Variants in KDM3B observed in about 807,000 individuals in gnomAD.
The protein encoded by KDM3B is lysine demethylase 3B, also known as lysine-specific demethylase 3B.
In KDM3B, 10 loss-of-function variants were observed where a neutral mutation model predicts 170.0. The observed-to-expected ratio is 0.06, with a 90% confidence interval of 0.04 to 0.10. KDM3B has a LOEUF of 0.10. Among genes scored for constraint, KDM3B ranks in the 10% least tolerant of loss-of-function variants. The pLI is 1.00. For synonymous variants in KDM3B, 831 were observed against 834.8 expected (o/e 1.00, Z 0.08); for missense variants, 1,394 against 2,195.2 (o/e 0.64, Z 7.29).
chr5:138,421,057 T>G, intron 15 of KDM3B, 95 bp downstream of exon 15: 1 of 1,403,072 alleles, frequency 7.1e-7, no homozygotes, highest in Non-Finnish European at 9.9e-7. Flanking sequence ...GGGTGATTTG[T>G]GTTCTCTACA....
At chr5:138,431,397 T>C in intron 22 of KDM3B, 28 bp from the exon 23 acceptor site, 6 of 1,544,072 alleles carry the variant, frequency 3.9e-6, no homozygotes, top group Non-Finnish European at 5.3e-6. Context: ...ATGTCTGATA[T>C]TTCTCCTCTG....
chr5:138,389,782 C>CTGTGTGTG (rs148405512), intron 7 of KDM3B, among the ~76,000 whole-genome samples: 1,582 of 143,522 alleles, frequency 0.011, 16 homozygotes, highest in East Asian at 0.056. Flanking sequence ...CTCTCTCTCT[C>CTGTGTGTG]TGTGTGTGTG....
rs1485337623 is a variant in KDM3B, at chr5:138,430,094, G to GA, written c.4893+133dup. On this transcript the variant is annotated intron_variant, in intron 21 of 23. Transcript: ENST00000314358. ...CTTGTTGGCCATGATACCTCTGGTG[G>GA]AAAAGCCCAAAGGCTTGAATCCACA... The GA allele has an allele frequency of 1.9e-5, 26 of 1,400,284 alleles. No homozygotes were observed. In the African/African-American group the frequency reaches 3.6e-4, roughly 19 times the overall value. 86.7% of individuals were successfully genotyped at this position (1,400,284 alleles called of 1,614,324 possible).
intron 11 of KDM3B, among the ~76,000 whole-genome samples, chr5:138,404,418 G>T (rs1329838172): frequency 6.6e-6 from 1 of 152,148 alleles, no homozygotes. Flanking sequence ...ACCTGAGGTC[G>T]GGAGTTCGAG....
At chr5:138,406,064 T>G (rs186262275) in intron 11 of KDM3B, among the ~76,000 whole-genome samples, 1 of 152,200 alleles carries the variant, frequency 6.6e-6, no homozygotes, top group African/African-American at 2.4e-5. Context: ...GAAATGGGAC[T>G]GGCTAGGTTT....
chr5:138,433,784 G>A (rs1763600163), intron 23 of KDM3B, among the ~76,000 whole-genome samples: 1 of 151,560 alleles, frequency 6.6e-6, no homozygotes, highest in African/African-American at 2.4e-5. Context: ...CGTTGCCCAC[G>A]CTGGAGGGCA....
chr5:138,364,214 C>A (rs1486985961), intron 1 of KDM3B, among the ~76,000 whole-genome samples: 1 of 152,222 alleles, frequency 6.6e-6, no homozygotes, highest in African/African-American at 2.4e-5. Context: ...CCAGCGCACC[C>A]AGCCTGTTAT....
intron 1 of KDM3B, among the ~76,000 whole-genome samples, chr5:138,367,688 A>T (rs1411448397): frequency 6.6e-6 from 1 of 152,178 alleles, no homozygotes; most frequent in African/African-American, 2.4e-5. Context: ...AAAATTTCTT[A>T]GCTGATCATG....
chr5:138,377,914 AC>A, intron 4 of KDM3B, 89 bp downstream of exon 4: 1 of 775,516 alleles, frequency 1.3e-6, no homozygotes, highest in Non-Finnish European at 2.0e-6. Flanking sequence ...GCAACCTTAA[AC>A]ATTTGTACTT....
intron 11 of KDM3B, among the ~76,000 whole-genome samples, chr5:138,407,039 G>A (rs1762841864): frequency 7.0e-6 from 1 of 143,340 alleles, no homozygotes; most frequent in South Asian, 2.2e-4. Flanking sequence ...GGGCTGGAGT[G>A]CAGTGGCACG....
At chr5:138,422,274 G>A (rs1357008636) in intron 15 of KDM3B, among the ~76,000 whole-genome samples, 3 of 151,952 alleles carry the variant, frequency 2.0e-5, no homozygotes, top group African/African-American at 7.3e-5. Flanking sequence ...CTAGTGCCAT[G>A]GTGTTTGATC....
At position 138,393,021 on chromosome 5, in the gene KDM3B, C is replaced by T. The variant is rs192670996; in HGVS notation, c.2630-150C>T. 2.3e-5 allele frequency: 15 copies of T among 663,220 alleles called. No individual in the cohort carries two copies. In the Admixed American group the frequency reaches 3.0e-4, roughly 13 times the overall value. 41.1% of individuals were successfully genotyped at this position (663,220 alleles called of 1,614,324 possible). A position where few individuals can be genotyped will look rare whatever the true frequency, so the allele number is the denominator to read the frequency against. On this transcript the variant is annotated intron_variant, in intron 8 of 23. Coordinates refer to ENST00000314358, the MANE Select transcript of KDM3B (RefSeq NM_016604.4). ...GCTTCTTTGCTCCTTGCTTTCCCTT[C>T]CTGTCAAGGATGGACATAATGGGTA...
At chr5:138,379,249 A>G (rs1359597257) in intron 4 of KDM3B, among the ~76,000 whole-genome samples, 1 of 152,108 alleles carries the variant, frequency 6.6e-6, no homozygotes. Flanking sequence ...CTACATTTTC[A>G]TACTACTGTA....
chr5:138,390,905 T>C, intron 7 of KDM3B, 108 bp from the exon 8 acceptor site: 1 of 1,083,944 alleles, frequency 9.2e-7, no homozygotes, highest in Non-Finnish European at 1.3e-6. Flanking sequence ...AGAGAAAAGT[T>C]GATGGACCCC....
chr5:138,352,848 CG>C lies in KDM3B; in HGVS notation c.55del (p.Asp19ThrfsTer37). ...PVGKRLLLLF[A>X]DTAASASASA... is the part of the protein sequence containing the mutation. ...GGCAAGCGGCTGCTGCTGCTGTTCG[CG>C]GACACTGCGGCCTCAGCCTCGGCCT... On this transcript the variant is annotated frameshift_variant, in exon 1 of 24. Coordinates refer to ENST00000314358, the MANE Select transcript of KDM3B (RefSeq NM_016604.4). LOFTEE classifies it high-confidence loss of function. 1.5e-6 allele frequency: 2 copies of C among 1,370,722 alleles called. No homozygotes were observed. Among genetic ancestry groups the C allele is most frequent in the Non-Finnish European group, 1.9e-6 (2 of 1,058,656 alleles). The allele number at this position is 1,370,722 out of a possible 1,614,324, so 84.9% of individuals were successfully genotyped here. A position where few individuals can be genotyped will look rare whatever the true frequency, so the allele number is the denominator to read the frequency against.
intron 11 of KDM3B, among the ~76,000 whole-genome samples, chr5:138,412,331 G>T (rs1045196450): frequency 6.7e-6 from 1 of 150,282 alleles, no homozygotes; most frequent in African/African-American, 2.4e-5. Flanking sequence ...GTGAGACCCC[G>T]TCTCCAAAAA....
At chr5:138,432,662 C>T in intron 23 of KDM3B, among the ~76,000 whole-genome samples, 1 of 152,100 alleles carries the variant, frequency 6.6e-6, no homozygotes, top group Non-Finnish European at 1.5e-5. Flanking sequence ...GAGCGAGACA[C>T]CGTCTCAAAG....
At position 138,432,328 on chromosome 5, in the gene KDM3B, A is replaced by C. The variant is rs367738228; in HGVS notation, c.5205+769A>C. ...ATCCCCTTGTAGAGCAGAGCTGAAC[A>C]ATCAGATTAGGTTTCCTCTGCTCTT... On this transcript the variant is annotated intron_variant, in intron 23 of 23. Transcript: ENST00000314358. Among the ~76,000 whole-genome samples the C allele has an allele frequency of 3.3e-5, 5 of 152,304 alleles. No individual in the cohort carries two copies. In the South Asian group the frequency reaches 1.0e-3, roughly 32 times the overall value.
At chr5:138,355,604 T>A (rs372216065) in intron 1 of KDM3B, among the ~76,000 whole-genome samples, 26 of 152,350 alleles carry the variant, frequency 1.7e-4, no homozygotes, top group African/African-American at 6.0e-4. Flanking sequence ...TAATTTTATT[T>A]GTGTTTTAAA....
Sources: gnomAD v4.1 joint callset for allele counts (sites outside exome capture counted in the v4.1 genomes callset) on GRCh38, gnomAD v4.1.1 for gene constraint, MANE v1.5 for transcripts, NCBI Gene and HGNC (gene_info 2026-07-23, HGNC 2026-07-21) for gene names.